The following FYB1 variants were observed in gnomAD, a reference collection of about 807,000 sequenced individuals.
The protein encoded by FYB1 is FYN-binding protein 1.
A neutral mutation model predicts 94.1 loss-of-function variants in FYB1; 41 were observed. The ratio of observed to expected loss-of-function variants is 0.44; its 90% CI spans 0.34 to 0.57. The LOEUF (loss-of-function observed/expected upper bound fraction) is 0.57. Among genes scored for constraint, FYB1 ranks in the 20% least tolerant of loss-of-function variants. The pLI is 0.02. For missense variants in FYB1, 1,050 were observed against 976.8 expected (o/e 1.07, Z -1.00); for synonymous variants, 367 against 353.2 (o/e 1.04, Z -0.44).
intron 1 of FYB1, 158 bp from the exon 2 acceptor site, chr5:39,203,145 G>T: frequency 1.6e-6 from 1 of 632,462 alleles, no homozygotes; most frequent in Non-Finnish European, 2.7e-6. Flanking sequence ...GGCAAAATAA[G>T]TTGCGAGAGT....
chr5:39,237,789 C>A (rs1751033241), intron 1 of FYB1, among the ~76,000 whole-genome samples: 1 of 151,980 alleles, frequency 6.6e-6, no homozygotes, highest in African/African-American at 2.4e-5. Context: ...AAGATTGCAA[C>A]AAGAATGAGA....
At chr5:39,219,583 C>A (rs1750136580), upstream of FYB1, 8 of 985,436 alleles carry the variant, frequency 8.1e-6, no homozygotes, top group South Asian at 3.8e-4. Flanking sequence ...TGATGCCTGG[C>A]AGGGTTTTGT....
intron 2 of FYB1, among the ~76,000 whole-genome samples, chr5:39,166,311 C>T (rs1275470627): frequency 6.6e-6 from 1 of 152,038 alleles, no homozygotes; most frequent in Admixed American, 6.6e-5. Context: ...TGGCAGGTGC[C>T]TGTAATCTCA....
intron 3 of FYB1, among the ~76,000 whole-genome samples, chr5:39,145,040 A>G (rs1742521555): frequency 6.6e-6 from 1 of 152,210 alleles, no homozygotes; most frequent in African/African-American, 2.4e-5. Flanking sequence ...AAATAATATA[A>G]GAGGCAAGTG....
In FYB1 at chr5:39,106,618, C is replaced by T. The variant is rs1201530002; in HGVS notation, c.*825G>A. The stretch of plus-strand genomic sequence containing the variant: ...GTCTTCATTATAAAGAGGTGCCATG[C>T]ATAAAAGCCTAGGTAGTTTCAAGGT... On this transcript the variant is annotated 3_prime_UTR_variant, in exon 19 of 19. Transcript: ENST00000512982. The T allele has an allele frequency of 6.6e-6, 1 of 152,182 alleles. No homozygotes were observed. Among genetic ancestry groups the T allele is most frequent in the East Asian group, 1.9e-4 (1 of 5,188 alleles). 9.4% of individuals were successfully genotyped at this position (152,182 alleles called of 1,614,324 possible). A position where few individuals can be genotyped will look rare whatever the true frequency, so the allele number is the denominator to read the frequency against.
intron 16 of FYB1, chr5:39,110,706 AC>A: frequency 3.2e-6 from 1 of 310,286 alleles, no homozygotes; most frequent in Non-Finnish European, 6.1e-6. Context: ...TCAGTGTGTT[AC>A]CCCCATGATC....
At position 39,230,827 on chromosome 5, in the gene FYB1, A is replaced by G. The variant is rs370314216; in HGVS notation, c.-27-27840T>C. Among the ~76,000 whole-genome samples the G allele has an allele frequency of 5.5e-5, 8 of 146,718 alleles. No homozygotes were observed. In the East Asian group the frequency reaches 1.4e-3, roughly 26 times the overall value. On this transcript the variant is annotated intron_variant, in intron 1 of 1. Transcript: ENST00000510188. ...AATTGCTGACTCTGTGAGAACTTAG[A>G]CTTCCCTGTCTCAGTATACACACAC...
intron 1 of FYB1, among the ~76,000 whole-genome samples, chr5:39,247,071 C>CATATATAT (rs3085950): frequency 9.4e-4 from 62 of 65,612 alleles, no homozygotes; most frequent in East Asian, 1.4e-3. Flanking sequence ...AATGCGTGTT[C>CATATATAT]ATATATATAT....
intron 16 of FYB1, among the ~76,000 whole-genome samples, chr5:39,114,735 G>A (rs964254800): frequency 6.6e-6 from 1 of 152,146 alleles, no homozygotes; most frequent in East Asian, 1.9e-4. Context: ...GTGAGTATCT[G>A]TATGTCAGAC....
chr5:39,185,399 G>A (rs973854049), intron 2 of FYB1, among the ~76,000 whole-genome samples: 3 of 151,402 alleles, frequency 2.0e-5, no homozygotes, highest in African/African-American at 7.3e-5. Context: ...TCTTACCAAT[G>A]TTTTCCCCCT....
intron 1 of FYB1, among the ~76,000 whole-genome samples, chr5:39,249,130 A>G (rs1751607033): frequency 6.6e-6 from 1 of 152,120 alleles, no homozygotes; most frequent in South Asian, 2.1e-4. Flanking sequence ...AGTGTAGGGA[A>G]CAGTAAGCAG....
intron 10 of FYB1, among the ~76,000 whole-genome samples, chr5:39,129,759 A>G (rs754337190): frequency 1.4e-4 from 21 of 152,098 alleles, no homozygotes; most frequent in Non-Finnish European, 2.4e-4. Flanking sequence ...TGTTATCAAA[A>G]AGAAAAATAG....
chr5:39,119,672 T>A (rs751982479), intron 14 of FYB1, 38 bp from the exon 15 acceptor site: 1 of 1,439,216 alleles, frequency 6.9e-7, no homozygotes. Flanking sequence ...ACACTTTGTT[T>A]AGAAAATTAA....
chr5:39,251,103 T>A (rs1026662557), intron 1 of FYB1, among the ~76,000 whole-genome samples: 3 of 152,218 alleles, frequency 2.0e-5, no homozygotes, highest in African/African-American at 7.2e-5. Context: ...GGTGAATGTA[T>A]CTCACTCAAA....
chr5:39,210,144 AC>A (rs1749230351), intron 1 of FYB1, among the ~76,000 whole-genome samples: 1 of 151,994 alleles, frequency 6.6e-6, no homozygotes, highest in Admixed American at 6.6e-5. Context: ...GATTGTGACA[AC>A]CCCTGTATGT....
intron 2 of FYB1, among the ~76,000 whole-genome samples, chr5:39,156,534 G>A (rs545551501): frequency 3.3e-5 from 5 of 151,984 alleles, no homozygotes; most frequent in Non-Finnish European, 7.4e-5. Context: ...ACATAATGAG[G>A]CACTAAACTA....
intron 2 of FYB1, among the ~76,000 whole-genome samples, chr5:39,198,653 T>C (rs1646153277): frequency 2.0e-5 from 3 of 152,148 alleles, no homozygotes; most frequent in Admixed American, 2.0e-4. Context: ...TATTATAAAA[T>C]AGGCTTTGTG....
chr5:39,210,562 T>C (rs1749274228), intron 1 of FYB1, among the ~76,000 whole-genome samples: 1 of 152,220 alleles, frequency 6.6e-6, no homozygotes, highest in Non-Finnish European at 1.5e-5. Context: ...GTACCCCCTG[T>C]TTTTAGAATC....
chr5:39,134,702 G>A (rs952897178), intron 8 of FYB1, among the ~76,000 whole-genome samples, 153 bp downstream of exon 8: 1 of 152,118 alleles, frequency 6.6e-6, no homozygotes, highest in African/African-American at 2.4e-5. Flanking sequence ...AGGTGAAGAC[G>A]GAACTATACC....
Sources: gnomAD v4.1 joint callset for allele counts (sites outside exome capture counted in the v4.1 genomes callset) on GRCh38, gnomAD v4.1.1 for gene constraint, MANE v1.5 for transcripts, NCBI Gene and HGNC (gene_info 2026-07-23, HGNC 2026-07-21) for gene names.